SLC12A4: variants seen among roughly 807,000 people sequenced by gnomAD.
SLC12A4 encodes the protein electroneutral potassium-chloride cotransporter 1.
Under a neutral mutation model 119.2 loss-of-function variants are expected in SLC12A4, and 84 were observed. That is an observed-to-expected ratio of 0.70 (90% CI 0.59 to 0.85). The LOEUF (loss-of-function observed/expected upper bound fraction) is 0.85. SLC12A4 is among the 40% of genes least tolerant of loss of function. The pLI is 0.00. For synonymous variants in SLC12A4, 599 were observed against 604.6 expected (o/e 0.99, Z 0.14); for missense variants, 1,298 against 1,476.3 (o/e 0.88, Z 1.98).
chr16:67,960,638 T>C (rs557360620), intron 3 of SLC12A4, among the ~76,000 whole-genome samples: 3 of 151,114 alleles, frequency 2.0e-5, no homozygotes, highest in South Asian at 4.2e-4. Context: ...CAGCTCCTCT[T>C]AAAACACCAC....
At position 67,954,448 on chromosome 16, in the gene SLC12A4, C is replaced by CCTGGCCCAAA. The variant is rs547214424; in HGVS notation, c.675+185_675+194dup. On this transcript the variant is annotated intron_variant, in intron 6 of 23. Coordinates refer to ENST00000316341, the MANE Select transcript of SLC12A4 (RefSeq NM_005072.5). ...TGAAGGCAGCCAGGCCTCTGCCTTG[C>CCTGGCCCAAA]CTGGCCCAAACTGGCATGGAGGTGA... 3.7e-4 allele frequency among the ~76,000 whole-genome samples: 56 copies of CCTGGCCCAAA among 152,366 alleles called. 2 individuals are homozygous for CCTGGCCCAAA. Among genetic ancestry groups the CCTGGCCCAAA allele is most frequent in the Non-Finnish European group, 1.3e-4 (9 of 68,040 alleles).
Position 67,945,501 on chromosome 16 carries a change from G to C in SLC12A4, c.2900C>G (p.Ser967Trp), listed in dbSNP as rs576077469. 1 of 1,613,990 alleles carries C rather than the reference G, an allele frequency of 6.2e-7. No homozygotes were observed. The highest frequency in any genetic ancestry group is 1.1e-5 in the South Asian group (1 of 91,082). The stretch of plus-strand genomic sequence containing the variant: ...CACTGCAGACTCATCTTCCTCGTCC[G>C]AGTACAGGCTCTCCAGCCGCAGGGC... ...HSALRLESLY[S>W]DEEDESAVGA... The change falls in exon 22 of 24, where the codon TCG becomes TGG. Residue 967 changes from serine to tryptophan, a missense_variant. Coordinates refer to ENST00000316341, the MANE Select transcript of SLC12A4 (RefSeq NM_005072.5).
Position 67,950,782 on chromosome 16 carries a change from C to T in SLC12A4, c.1397-71G>A. ...CCTGAATAGTACCACGTGCCCCCAC[C>T]CCAGCCAGACTACCAGGACACCTAC... On this transcript the variant is annotated intron_variant, in intron 10 of 23. Transcript: ENST00000316341. This position sits in a 1 kb window ranked among gnomAD's most constrained non-coding sequence, Gnocchi z 4.3. 1 of 1,548,508 alleles carries T rather than the reference C, an allele frequency of 6.5e-7. No individual in the cohort carries two copies. Among genetic ancestry groups the T allele is most frequent in the African/African-American group, 1.4e-5 (1 of 73,018 alleles).
chr16:67,958,667 C>T (rs745709228), intron 3 of SLC12A4, among the ~76,000 whole-genome samples: 9 of 152,180 alleles, frequency 5.9e-5, no homozygotes, highest in African/African-American at 1.7e-4. Flanking sequence ...TCCAGTGTGC[C>T]GTCCAACTCC....
At chr16:67,946,890 C>A in intron 17 of SLC12A4, 47 bp downstream of exon 17, 1 of 1,589,442 alleles carries the variant, frequency 6.3e-7, no homozygotes, top group South Asian at 1.1e-5. Context: ...CAGCTGCAGT[C>A]CAGACCCCTG....
rs996087507 is a variant in SLC12A4, at chr16:67,943,846, T to A, written c.*994A>T. The A allele has an allele frequency of 4.3e-6, 5 of 1,155,840 alleles. No homozygotes were observed. The African/African-American group carries it at 4.7e-5, about 11-fold the overall frequency. 71.6% of individuals were successfully genotyped at this position (1,155,840 alleles called of 1,614,324 possible). ...CCAGGGCAGGTACTTATGTCGGGGC[T>A]TATGCAGGGCAGAAGGGCTTTGGCC... On this transcript the variant is annotated 3_prime_UTR_variant, in exon 24 of 24. Transcript: ENST00000316341. The surrounding 1 kb of genome is among the most constrained non-coding windows in gnomAD (Gnocchi z 4.6).
At chr16:67,964,800 C>T (rs779580195) in intron 1 of SLC12A4, among the ~76,000 whole-genome samples, 5 of 152,206 alleles carry the variant, frequency 3.3e-5, no homozygotes, top group Non-Finnish European at 5.9e-5. Context: ...GCTGAGAATG[C>T]TGATTGAGGC....
intron 5 of SLC12A4, among the ~76,000 whole-genome samples, chr16:67,956,113 A>T (rs2030246925): frequency 6.6e-6 from 1 of 151,692 alleles, no homozygotes; most frequent in Non-Finnish European, 1.5e-5. Context: ...GGAGGTGGAG[A>T]TTGCAGTGAG....
Position 67,952,350 on chromosome 16 carries a change from T to C in SLC12A4, c.751A>G (p.Met251Val), listed in dbSNP as rs1363345815. The change falls in exon 7 of 24, where the codon ATG becomes GTG. Residue 251 changes from methionine to valine, a missense_variant. By Grantham distance (21) the Met-to-Val change is conservative. Transcript: ENST00000316341. ...AGGAAAATGGTCCCATACACACGCA[T>C]ATTGTTCAAAGTGGCATTCGACGTG... is the stretch of plus-strand genomic sequence containing the variant. ...HDTSNATLNN[M>V]RVYGTIFLTF... 6.2e-7 allele frequency: 1 copy of C among 1,614,104 alleles called. No homozygotes were observed. The highest frequency in any genetic ancestry group is 8.5e-7 in the Non-Finnish European group (1 of 1,180,012).
Position 67,950,361 on chromosome 16 carries a change from T to C in SLC12A4, c.1587A>G (p.Leu529=), listed in dbSNP as rs1398657877. The C allele has an allele frequency of 6.2e-7, 1 of 1,613,992 alleles. No individual in the cohort carries two copies. Among genetic ancestry groups the C allele is most frequent in the South Asian group, 1.1e-5 (1 of 91,088 alleles). Residue 529 remains leucine (L), a synonymous_variant, in exon 12 of 24, where the codon CTA becomes CTG. Transcript: ENST00000316341. This position sits in a 1 kb window ranked among gnomAD's most constrained non-coding sequence, Gnocchi z 4.3. ...TGTTGTCCTTGGCAATGGCCTGCAA[T>C]AGGCGTGGTGCCCCTGTGAGGCTCT... ...GLQSLTGAPR[L]LQAIAKDNII...
chr16:67,964,883 TC>T (rs1481964995), intron 1 of SLC12A4, among the ~76,000 whole-genome samples: 1 of 152,232 alleles, frequency 6.6e-6, no homozygotes, highest in Non-Finnish European at 1.5e-5. Flanking sequence ...CAACAACCAC[TC>T]AGCAGGTGCT....
At chr16:67,965,489 G>T (rs1358013445) in intron 1 of SLC12A4, among the ~76,000 whole-genome samples, 1 of 152,172 alleles carries the variant, frequency 6.6e-6, no homozygotes, top group African/African-American at 2.4e-5. Flanking sequence ...CCTCTGCATG[G>T]TTTTCAATCT....
intron 14 of SLC12A4, 94 bp from the exon 15 acceptor site, chr16:67,947,882 T>G: frequency 6.6e-7 from 1 of 1,519,988 alleles, no homozygotes. Context: ...AGGTCCCGGG[T>G]GGGAGGTCCC....
At chr16:67,945,679 T>C (rs565740980) in intron 21 of SLC12A4, 85 bp downstream of exon 21, 1 of 1,500,152 alleles carries the variant, frequency 6.7e-7, no homozygotes, top group East Asian at 2.3e-5. Flanking sequence ...CGGTGAGTCA[T>C]TCTGATTCCT....
chr16:67,947,549 C>G (rs1202249223), intron 15 of SLC12A4, 114 bp from the exon 16 acceptor site: 2 of 1,492,678 alleles, frequency 1.3e-6, no homozygotes, highest in East Asian at 4.9e-5. Flanking sequence ...TCCTGAGTTA[C>G]AGTCCCCAGT....
rs760311073 is a variant in SLC12A4, at chr16:67,952,267, C to T, written c.834G>A (p.Ser278=). The T allele has an allele frequency of 9.3e-6, 15 of 1,614,082 alleles. No individual in the cohort carries two copies. The highest frequency in any genetic ancestry group is 2.2e-5 in the South Asian group (2 of 91,082). ...VGVKYVNKFA[S]LFLACVIISI... is the part of the protein sequence containing the mutation. ...AGATGATCACACAGGCCAGGAAGAG[C>T]GAGGCAAATTTGTTCACATACTTGA... is the stretch of plus-strand genomic sequence containing the variant. Residue 278 remains serine, a synonymous_variant, in exon 7 of 24, where the codon TCG becomes TCA. Transcript: ENST00000316341.
chr16:67,958,328 G>C (rs1043107664), intron 3 of SLC12A4, among the ~76,000 whole-genome samples: 3 of 151,930 alleles, frequency 2.0e-5, no homozygotes, highest in African/African-American at 7.3e-5. Flanking sequence ...TAAACTTCTA[G>C]AAAGAGAGGT....
rs1359523371 is a variant in SLC12A4 at position 67,947,821 on chromosome 16, G to A, written c.1848-33C>T. Reference sequence around the variant, plus strand: ...AGAGGGGAGGGCAGAGTCAGGGCAGGACCAGGAGGACCCCTGGCCACAGCC... The same window carrying A: ...AGAGGGGAGGGCAGAGTCAGGGCAGAACCAGGAGGACCCCTGGCCACAGCC... On this transcript the variant is annotated intron_variant, in intron 14 of 23. Coordinates refer to ENST00000316341, the MANE Select transcript of SLC12A4 (RefSeq NM_005072.5). 1.9e-6 allele frequency: 3 copies of A among 1,558,320 alleles called. No homozygotes were observed. In the South Asian group the frequency reaches 3.5e-5, roughly 18 times the overall value.
Position 67,943,729 on chromosome 16 carries a change from C to G in SLC12A4, c.*1111G>C. On this transcript the variant is annotated 3_prime_UTR_variant, in exon 24 of 24. Coordinates refer to ENST00000316341, the MANE Select transcript of SLC12A4 (RefSeq NM_005072.5). This position sits in a 1 kb window ranked among gnomAD's most constrained non-coding sequence, Gnocchi z 4.6. ...CTCAGGCACACCCCGTCCCCCACTC[C>G]GCCCCCCCTGGGTTAGACAACTGAG... 3.5e-6 allele frequency: 2 copies of G among 575,568 alleles called. No homozygotes were observed. Among genetic ancestry groups the G allele is most frequent in the Non-Finnish European group, 6.1e-6 (2 of 328,468 alleles). The allele number at this position is 575,568 out of a possible 1,614,324, so 35.7% of individuals were successfully genotyped here.
Sources: allele counts gnomAD v4.1 joint callset (sites outside exome capture counted in the v4.1 genomes callset), GRCh38; gene constraint gnomAD v4.1.1; non-coding constraint Gnocchi (gnomAD v3.1); transcripts MANE v1.5; gene names NCBI Gene and HGNC (gene_info 2026-07-23, HGNC 2026-07-21).